The following CCDC171 variants were observed in gnomAD, a reference collection of about 807,000 sequenced individuals.
CCDC171 encodes the protein coiled-coil domain-containing protein 171.
A neutral mutation model predicts 168.2 loss-of-function variants in CCDC171; 177 were observed. That is an observed-to-expected ratio of 1.05 (90% CI 0.93 to 1.19). The LOEUF is 1.19. Ranked by LOEUF, CCDC171 falls within the 50% of genes most tolerant of loss-of-function variation. The pLI is 0.00. For synonymous variants in CCDC171, 687 were observed against 540.8 expected (o/e 1.27, Z -3.75); for missense variants, 1,991 against 1,539.0 (o/e 1.29, Z -4.91).
intron 25 of CCDC171, among the ~76,000 whole-genome samples, chr9:15,921,398 T>A (rs1825313332): frequency 6.6e-6 from 1 of 151,922 alleles, no homozygotes; most frequent in South Asian, 2.1e-4. Flanking sequence ...ATTTCCTGTC[T>A]ACCTTCCACC....
At chr9:15,872,030 A>G (rs2131188266) in intron 23 of CCDC171, among the ~76,000 whole-genome samples, 1 of 152,134 alleles carries the variant, frequency 6.6e-6, no homozygotes, top group South Asian at 2.1e-4. Context: ...TTAAAAGTGG[A>G]AAAAACTCTT....
chr9:15,969,907 G>A (rs1024699972), intron 25 of CCDC171, among the ~76,000 whole-genome samples: 1 of 152,146 alleles, frequency 6.6e-6, no homozygotes, highest in African/African-American at 2.4e-5. Flanking sequence ...CTCTGTTCAG[G>A]TTCTGAGCTG....
intron 10 of CCDC171, among the ~76,000 whole-genome samples, chr9:15,693,444 G>T (rs1468324924): frequency 2.0e-5 from 3 of 148,232 alleles, no homozygotes. Context: ...TGTTGCCTAG[G>T]GGAAACACTG....
At chr9:15,863,248 G>C (rs1166290045) in intron 23 of CCDC171, among the ~76,000 whole-genome samples, 1 of 152,014 alleles carries the variant, frequency 6.6e-6, no homozygotes, top group Non-Finnish European at 1.5e-5. Context: ...TGTGCTGGGA[G>C]TGGGGATTAC....
At chr9:15,831,401 G>C (rs995778979) in intron 21 of CCDC171, among the ~76,000 whole-genome samples, 6 of 152,200 alleles carry the variant, frequency 3.9e-5, no homozygotes, top group Non-Finnish European at 8.8e-5. Context: ...GGAATCTTTA[G>C]AGCTGAAGAA....
intron 24 of CCDC171, among the ~76,000 whole-genome samples, chr9:15,894,219 T>G (rs982554122): frequency 1.3e-5 from 2 of 152,088 alleles, no homozygotes; most frequent in African/African-American, 4.8e-5. Context: ...AAGTGGGAAC[T>G]GAATGATGAG....
intron 25 of CCDC171, among the ~76,000 whole-genome samples, chr9:15,947,203 A>G (rs1415899355): frequency 6.6e-6 from 1 of 151,998 alleles, no homozygotes; most frequent in African/African-American, 2.4e-5. Context: ...ATAGTTGCAT[A>G]TATATCATAG....
At chr9:15,578,744 G>T in intron 3 of CCDC171, 105 bp from the exon 4 acceptor site, 1 of 718,966 alleles carries the variant, frequency 1.4e-6, no homozygotes, top group Non-Finnish European at 2.1e-6. Context: ...ATAAATTTTT[G>T]CCTTGTATAT....
At chr9:15,672,586 A>T (rs151288948) in intron 9 of CCDC171, among the ~76,000 whole-genome samples, 91 of 152,258 alleles carry the variant, frequency 6.0e-4, no homozygotes, top group Non-Finnish European at 8.7e-4. Flanking sequence ...CCAATTTCTG[A>T]ACACCATTTA....
At chr9:15,570,632 C>A (rs1411439717) in intron 2 of CCDC171, among the ~76,000 whole-genome samples, 1 of 152,118 alleles carries the variant, frequency 6.6e-6, no homozygotes, top group East Asian at 1.9e-4. Flanking sequence ...AGCTGTTTTT[C>A]TAGAGAACCA....
chr9:16,070,725 T>C, the CCDC171 span, among the ~76,000 whole-genome samples: 2 of 152,194 alleles, frequency 1.3e-5, no homozygotes, highest in Non-Finnish European at 2.9e-5. Context: ...ATTTTGGCCT[T>C]TGCATGACAT....
rs2039083523 is a variant in CCDC171, at chr9:15,559,392, C to G, written c.-111-4586C>G. Among the ~76,000 whole-genome samples the G allele has an allele frequency of 2.0e-5, 3 of 152,092 alleles. 1 individual carries two copies. Among genetic ancestry groups the G allele is most frequent in the Admixed American group, 6.6e-5 (1 of 15,258 alleles). ...TAAGTCTCTTTGTAGGTCTCTAAGA[C>G]TTGCTTTATGAATCTGGCTGCTCCC... is the stretch of plus-strand genomic sequence containing the variant. On this transcript the variant is annotated intron_variant, in intron 1 of 25. Coordinates refer to ENST00000380701, the MANE Select transcript of CCDC171 (RefSeq NM_173550.4).
At chr9:15,660,804 T>C (rs1771238514) in intron 8 of CCDC171, among the ~76,000 whole-genome samples, 1 of 152,228 alleles carries the variant, frequency 6.6e-6, no homozygotes, top group African/African-American at 2.4e-5. Flanking sequence ...CATGTGTTTT[T>C]TTGGTAGAAT....
intron 16 of CCDC171, among the ~76,000 whole-genome samples, chr9:15,739,012 A>C (rs1326948657): frequency 1.3e-5 from 2 of 152,176 alleles, no homozygotes; most frequent in African/African-American, 4.8e-5. Flanking sequence ...ACACTATAGT[A>C]AATAATTCCT....
At chr9:15,660,171 C>T (rs1564157524) in intron 8 of CCDC171, among the ~76,000 whole-genome samples, 2 of 151,918 alleles carry the variant, frequency 1.3e-5, no homozygotes, top group East Asian at 3.9e-4. Flanking sequence ...TTCTTTTTAC[C>T]TAAAAATTCT....
At chr9:15,574,055 G>C (rs1273635641) in intron 3 of CCDC171, among the ~76,000 whole-genome samples, 2 of 151,916 alleles carry the variant, frequency 1.3e-5, no homozygotes, top group African/African-American at 4.8e-5. Context: ...AAGGAATACA[G>C]TTTTCTTAAA....
At chr9:16,059,633 G>A (rs1833900942) in intron 1 of CCDC171, among the ~76,000 whole-genome samples, 1 of 148,302 alleles carries the variant, frequency 6.7e-6, no homozygotes, top group Admixed American at 6.7e-5. Flanking sequence ...TCCTGCCTCA[G>A]CCTCCCGAGT....
the CCDC171 span, among the ~76,000 whole-genome samples, chr9:16,091,871 A>G: frequency 1.3e-5 from 2 of 152,224 alleles, no homozygotes; most frequent in Non-Finnish European, 2.9e-5. Flanking sequence ...TTACAGCTAT[A>G]TCTTTTTTAA....
chr9:15,614,021 CT>C (rs1340466298), intron 6 of CCDC171, among the ~76,000 whole-genome samples: 3 of 152,100 alleles, frequency 2.0e-5, no homozygotes, highest in African/African-American at 7.2e-5. Context: ...GTCTTCTAGC[CT>C]TTGCTGAGTG....
Sources: allele counts gnomAD v4.1 joint callset (sites outside exome capture counted in the v4.1 genomes callset), GRCh38; gene constraint gnomAD v4.1.1; transcripts MANE v1.5; gene names NCBI Gene and HGNC (gene_info 2026-07-23, HGNC 2026-07-21).